The following ASXL3 variants were observed in gnomAD, a reference collection of about 807,000 sequenced individuals.
ASXL3 encodes the protein putative Polycomb group protein ASXL3.
ASXL3 carries 34 observed loss-of-function variants against 170.6 expected under a neutral mutation model. That is an observed-to-expected ratio of 0.20 (90% CI 0.15 to 0.27). The LOEUF is 0.27. Ranked by LOEUF, ASXL3 falls within the 10% of genes least tolerant of loss-of-function variation. The probability of loss-of-function intolerance (pLI) is 1.00; values close to 1 mark genes in which losing one functional copy is unlikely to be tolerated. For synonymous variants in ASXL3, 1,002 were observed against 989.1 expected (o/e 1.01, Z -0.24); for missense variants, 2,592 against 2,695.3 (o/e 0.96, Z 0.85).
At chr18:33,654,227 A>G (rs1457272567) in intron 4 of ASXL3, among the ~76,000 whole-genome samples, 2 of 152,106 alleles carry the variant, frequency 1.3e-5, no homozygotes, top group South Asian at 2.1e-4. Flanking sequence ...TGAGAACAGA[A>G]TATGATCTCA....
chr18:33,663,341 C>T (rs1001389073), intron 5 of ASXL3, among the ~76,000 whole-genome samples: 3 of 152,092 alleles, frequency 2.0e-5, no homozygotes, highest in Admixed American at 6.6e-5. Flanking sequence ...GGAAAATGTG[C>T]ACACCATGAA....
chr18:33,653,656 A>G (rs1817309775), intron 4 of ASXL3, among the ~76,000 whole-genome samples: 1 of 152,042 alleles, frequency 6.6e-6, no homozygotes, highest in African/African-American at 2.4e-5. Context: ...ATTTCAAAAG[A>G]TCATGAAGCC....
chr18:33,584,204 G>A (rs2065016310), intron 1 of ASXL3, among the ~76,000 whole-genome samples: 3 of 152,122 alleles, frequency 2.0e-5, no homozygotes. Flanking sequence ...GTGAGGTGCA[G>A]GCAAGAGGAT....
At chr18:33,594,495 G>C (rs1239297211) in intron 1 of ASXL3, among the ~76,000 whole-genome samples, 1 of 152,148 alleles carries the variant, frequency 6.6e-6, no homozygotes, top group East Asian at 1.9e-4. Flanking sequence ...GCAAAGGCAA[G>C]TTTTAATATT....
rs2064959084 is a variant in ASXL3 at position 33,578,308 on chromosome 18, C to G, written c.-324C>G. The G allele has an allele frequency of 1.4e-5, 2 of 145,970 alleles. No homozygotes were observed. The highest frequency in any genetic ancestry group is 1.4e-4 in the Admixed American group (2 of 14,736). The allele number at this position is 145,970 out of a possible 1,614,324, so 9.0% of individuals were successfully genotyped here. A position where few individuals can be genotyped will look rare whatever the true frequency, so the allele number is the denominator to read the frequency against. On this transcript the variant is annotated 5_prime_UTR_variant, in exon 1 of 12. Coordinates refer to ENST00000269197, the MANE Select transcript of ASXL3 (RefSeq NM_030632.3). ...GCGGTGGCGCAGCGCGAGCCCCGCA[C>G]GAGCGAGCCCGGCCGGCGCCGCCCC...
intron 1 of ASXL3, among the ~76,000 whole-genome samples, chr18:33,585,697 A>G (rs1195106852): frequency 1.3e-5 from 2 of 152,236 alleles, no homozygotes; most frequent in African/African-American, 2.4e-5. Context: ...TCTGAAATAT[A>G]TAACTTAAAT....
rs540972109 is a variant in ASXL3 at position 33,601,258 on chromosome 18, A to G, written c.55-6336A>G. 6.6e-5 allele frequency among the ~76,000 whole-genome samples: 10 copies of G among 152,062 alleles called. No homozygotes were observed. The South Asian group carries it at 1.9e-3, about 28-fold the overall frequency. Reference sequence around the variant, plus strand: ...AAATCTGTGTTTCTAGGCTGTGTTCAAAGGGGCCAGCTTTTTTTTTTCAGC... The same window carrying G: ...AAATCTGTGTTTCTAGGCTGTGTTCGAAGGGGCCAGCTTTTTTTTTTCAGC... On this transcript the variant is annotated intron_variant, in intron 1 of 11. Coordinates refer to ENST00000269197, the MANE Select transcript of ASXL3 (RefSeq NM_030632.3).
intron 1 of ASXL3, among the ~76,000 whole-genome samples, chr18:33,606,076 C>T (rs548288378): frequency 4.3e-4 from 65 of 151,934 alleles, no homozygotes; most frequent in Non-Finnish European, 7.9e-4. Flanking sequence ...GCTTCTTCCT[C>T]TTTTCCCTGT....
At chr18:33,656,590 T>A (rs572960723) in intron 4 of ASXL3, among the ~76,000 whole-genome samples, 146 of 152,238 alleles carry the variant, frequency 9.6e-4, no homozygotes, top group African/African-American at 2.8e-3. Flanking sequence ...TTTTGACTTT[T>A]AAATTTTATT....
At chr18:33,606,554 GC>G (rs1231360131) in intron 1 of ASXL3, among the ~76,000 whole-genome samples, 3 of 151,918 alleles carry the variant, frequency 2.0e-5, no homozygotes, top group African/African-American at 2.4e-5. Context: ...AGATTTGGAA[GC>G]CTTTTCAAGT....
At chr18:33,585,076 C>T (rs1478029659) in intron 1 of ASXL3, among the ~76,000 whole-genome samples, 1 of 152,014 alleles carries the variant, frequency 6.6e-6, no homozygotes, top group African/African-American at 2.4e-5. Flanking sequence ...CATATGTATT[C>T]TCCTCCCTCA....
chr18:33,744,299 G>A lies in ASXL3; in HGVS notation c.4451G>A (p.Ser1484Asn), dbSNP rs777006787. 1 of 1,613,984 alleles carries A rather than the reference G, an allele frequency of 6.2e-7. No homozygotes were observed. Among genetic ancestry groups the A allele is most frequent in the South Asian group, 1.1e-5 (1 of 91,084 alleles). Residue 1484 changes from serine to asparagine, a missense_variant, in exon 12 of 12, where the codon AGT becomes AAT. By Grantham distance (46) the Ser-to-Asn change is conservative. Around this residue, in one of 4 missense-constraint regions of ASXL3, gnomAD observed 2,246 missense variants for 2,219.6 expected, o/e 1.01. Coordinates refer to ENST00000269197, the MANE Select transcript of ASXL3 (RefSeq NM_030632.3). Reference protein sequence around the residue: ...IVDHSTTLTSSLSLTVSVESS... With the variant: ...IVDHSTTLTSNLSLTVSVESS... ...GACCACAGCACCACGCTGACCTCCA[G>A]TTTGTCTCTGACTGTCTCCGTTGAA...
chr18:33,700,272 T>G (rs999309762), intron 8 of ASXL3, among the ~76,000 whole-genome samples: 13 of 152,168 alleles, frequency 8.5e-5, no homozygotes, highest in African/African-American at 3.1e-4. Flanking sequence ...TAACGATCCC[T>G]GAAGGCAGGG....
At chr18:33,689,879 C>A (rs2066659946) in intron 8 of ASXL3, among the ~76,000 whole-genome samples, 1 of 152,130 alleles carries the variant, frequency 6.6e-6, no homozygotes, top group Admixed American at 6.6e-5. Flanking sequence ...CACACAGACA[C>A]ACGTGTGTGT....
chr18:33,689,846 A>G (rs1197745151), intron 8 of ASXL3, among the ~76,000 whole-genome samples: 2 of 152,058 alleles, frequency 1.3e-5, no homozygotes, highest in East Asian at 1.9e-4. Flanking sequence ...CAGATTTTCA[A>G]TGTATTAATT....
intron 5 of ASXL3, among the ~76,000 whole-genome samples, chr18:33,663,054 C>T (rs2066202076): frequency 6.6e-6 from 1 of 152,120 alleles, no homozygotes; most frequent in Non-Finnish European, 1.5e-5. Context: ...GGTCAAGTAT[C>T]CTTTGGAAAG....
chr18:33,646,078 C>T (rs2065909165), intron 3 of ASXL3, among the ~76,000 whole-genome samples, 167 bp from the exon 4 acceptor site: 1 of 150,548 alleles, frequency 6.6e-6, no homozygotes, highest in Admixed American at 6.6e-5. Context: ...GGGCTTTACC[C>T]AGTTTTTTTT....
chr18:33,664,953 CT>C (rs1327219524), intron 5 of ASXL3, among the ~76,000 whole-genome samples: 3 of 152,056 alleles, frequency 2.0e-5, no homozygotes, highest in African/African-American at 4.8e-5. Flanking sequence ...CAGTAGTTGT[CT>C]TTTTTTTCTG....
At chr18:33,716,678 C>A (rs1354945566) in intron 8 of ASXL3, among the ~76,000 whole-genome samples, 4 of 152,054 alleles carry the variant, frequency 2.6e-5, no homozygotes, top group Non-Finnish European at 4.4e-5. Flanking sequence ...TGAAACCGTA[C>A]CCTTATAGTG....
Sources: allele counts gnomAD v4.1 joint callset (sites outside exome capture counted in the v4.1 genomes callset), GRCh38; gene constraint gnomAD v4.1.1; regional missense constraint gnomAD v4.1.1; transcripts MANE v1.5; gene names NCBI Gene and HGNC (gene_info 2026-07-23, HGNC 2026-07-21).